Variants in TLN2 observed in about 807,000 individuals in gnomAD.
TLN2 encodes talin 2.
Under a neutral mutation model 294.7 loss-of-function variants are expected in TLN2, and 118 were observed. The observed-to-expected ratio is 0.40, with a 90% CI of 0.34 to 0.47. TLN2 has a LOEUF of 0.47. Among genes scored for constraint, TLN2 ranks in the 20% least tolerant of loss-of-function variants. The pLI, the probability that TLN2 is intolerant of heterozygous loss-of-function variation, is 0.84. For missense variants in TLN2, 3,083 were observed against 3,282.2 expected (o/e 0.94, Z 1.48); for synonymous variants, 1,431 against 1,304.5 (o/e 1.10, Z -2.09).
intron 1 of TLN2, among the ~76,000 whole-genome samples, chr15:62,521,479 A>C (rs1473906842): frequency 1.3e-5 from 2 of 151,938 alleles, no homozygotes; most frequent in East Asian, 3.9e-4. Flanking sequence ...GTTGGGGGGC[A>C]AGTTACAGGT....
chr15:62,502,282 C>G (rs1258889435), intron 1 of TLN2, among the ~76,000 whole-genome samples: 1 of 152,218 alleles, frequency 6.6e-6, no homozygotes, highest in African/African-American at 2.4e-5. Context: ...TATTTGACAG[C>G]TTTTCTCAAA....
In TLN2 at chr15:62,684,462, G is replaced by GA. The variant is rs1198692954; in HGVS notation, c.958-2172dup. On this transcript the variant is annotated intron_variant, in intron 11 of 58. Transcript: ENST00000636159. ...CCCCTTGTGGAACTGCCCTCTCTTT[G>GA]AAAAAAATCTGACGCTTGTCAGTGT... Among the ~76,000 whole-genome samples the GA allele has an allele frequency of 2.6e-5, 4 of 152,074 alleles. No individual in the cohort carries two copies. In the South Asian group the frequency reaches 8.3e-4, roughly 32 times the overall value.
intron 14 of TLN2, among the ~76,000 whole-genome samples, chr15:62,696,754 T>C (rs1488569426): frequency 1.3e-5 from 2 of 152,130 alleles, no homozygotes; most frequent in African/African-American, 4.8e-5. Context: ...TTAGATACCT[T>C]AAGAATCTTC....
chr15:62,483,011 A>C (rs1280549036), intron 1 of TLN2, among the ~76,000 whole-genome samples: 1 of 152,148 alleles, frequency 6.6e-6, no homozygotes, highest in African/African-American at 2.4e-5. Flanking sequence ...TCAGTGAGAG[A>C]CTGCTTCTAG....
intron 3 of TLN2, among the ~76,000 whole-genome samples, chr15:62,622,295 G>T (rs906975078): frequency 6.6e-6 from 1 of 152,192 alleles, no homozygotes; most frequent in African/African-American, 2.4e-5. Context: ...GAAAGAAGTG[G>T]AAAAGGGTGT....
chr15:62,471,732 G>C (rs1391727457), intron 1 of TLN2, among the ~76,000 whole-genome samples: 1 of 152,168 alleles, frequency 6.6e-6, no homozygotes, highest in Admixed American at 6.5e-5. Flanking sequence ...ATAAGAGTTG[G>C]TTTGGGGAAG....
At chr15:62,543,991 A>G (rs1030323235) in intron 1 of TLN2, among the ~76,000 whole-genome samples, 2 of 152,084 alleles carry the variant, frequency 1.3e-5, no homozygotes, top group Non-Finnish European at 2.9e-5. Context: ...AGTAGGGCCC[A>G]TGAGGTCCTT....
chr15:62,520,927 T>A (rs2040426350), intron 1 of TLN2, among the ~76,000 whole-genome samples: 1 of 152,226 alleles, frequency 6.6e-6, no homozygotes, highest in Non-Finnish European at 1.5e-5. Flanking sequence ...ACATACTTAG[T>A]CCTTGCCAGG....
chr15:62,792,491 C>T (rs1469485392), intron 45 of TLN2, 150 bp from the exon 46 acceptor site: 5 of 1,092,442 alleles, frequency 4.6e-6, no homozygotes, highest in Non-Finnish European at 6.3e-6. Context: ...CAACCAAATT[C>T]CATACTTCAC....
chr15:62,436,924 T>C (rs1045596200), intron 1 of TLN2, among the ~76,000 whole-genome samples: 1 of 152,228 alleles, frequency 6.6e-6, no homozygotes, highest in Admixed American at 6.5e-5. Context: ...AGACAGGGAC[T>C]AACTATTTTG....
At chr15:62,560,417 T>A (rs1021629690) in intron 1 of TLN2, among the ~76,000 whole-genome samples, 2 of 152,044 alleles carry the variant, frequency 1.3e-5, no homozygotes, top group African/African-American at 4.8e-5. Flanking sequence ...GAAGTCATGT[T>A]CTCTAGAAGT....
intron 26 of TLN2, among the ~76,000 whole-genome samples, chr15:62,722,887 C>T (rs930451047): frequency 1.3e-5 from 2 of 152,146 alleles, no homozygotes; most frequent in African/African-American, 4.8e-5. Flanking sequence ...AACTTAATAA[C>T]AAATTATATA....
rs1202174318 is a variant in TLN2 at position 62,413,443 on chromosome 15, C to T, written c.-238+22758C>T. 2.0e-5 allele frequency among the ~76,000 whole-genome samples: 3 copies of T among 152,102 alleles called. No individual in the cohort carries two copies. The East Asian group carries it at 5.8e-4, about 29-fold the overall frequency. On this transcript the variant is annotated intron_variant, in intron 1 of 58. Transcript: ENST00000636159. ...GCTAGTCCATCTGAAGTGTACAAGG[C>T]ATAAAGATCAGGAAAGAAAAATCTC...
intron 7 of TLN2, among the ~76,000 whole-genome samples, chr15:62,654,397 G>T (rs1367413375): frequency 1.3e-5 from 2 of 151,780 alleles, no homozygotes; most frequent in African/African-American, 4.8e-5. Flanking sequence ...TCTTTTTTGG[G>T]GGGATGTTTA....
intron 18 of TLN2, among the ~76,000 whole-genome samples, 154 bp downstream of exon 18, chr15:62,702,354 G>A (rs2058768496): frequency 6.6e-6 from 1 of 152,218 alleles, no homozygotes; most frequent in Non-Finnish European, 1.5e-5. Flanking sequence ...ACTGGGTGCA[G>A]AAGCTCATCC....
chr15:62,685,552 C>T (rs1467165013), intron 11 of TLN2, among the ~76,000 whole-genome samples: 2 of 152,160 alleles, frequency 1.3e-5, no homozygotes, highest in Non-Finnish European at 2.9e-5. Flanking sequence ...TAGATAGTGA[C>T]ACATTTTCCC....
intron 42 of TLN2, among the ~76,000 whole-genome samples, chr15:62,776,380 T>C (rs1413820472): frequency 6.6e-6 from 1 of 152,204 alleles, no homozygotes; most frequent in African/African-American, 2.4e-5. Flanking sequence ...TTGGGCAACT[T>C]TGAAGAGACG....
chr15:62,802,879 T>A (rs2066029383), intron 50 of TLN2, among the ~76,000 whole-genome samples: 1 of 152,244 alleles, frequency 6.6e-6, no homozygotes, highest in African/African-American at 2.4e-5. Flanking sequence ...TGTCTTCTTT[T>A]GAGAAATGTC....
At chr15:62,831,691 A>G (rs906071527) in intron 54 of TLN2, 6 of 152,198 alleles carry the variant, frequency 3.9e-5, no homozygotes, top group African/African-American at 1.4e-4. Flanking sequence ...AATAAGAAAG[A>G]ATGCACAAGT....
Sources: gnomAD v4.1 joint callset for allele counts (sites outside exome capture counted in the v4.1 genomes callset) on GRCh38, gnomAD v4.1.1 for gene constraint, MANE v1.5 for transcripts, NCBI Gene and HGNC (gene_info 2026-07-23, HGNC 2026-07-21) for gene names.